Variants in DMD observed in about 807,000 individuals in gnomAD.
DMD encodes the protein mutant dystrophin.
DMD carries 63 observed loss-of-function variants against 330.1 expected under a neutral mutation model. The ratio of observed to expected loss-of-function variants is 0.19; its 90% CI spans 0.16 to 0.24. The LOEUF (loss-of-function observed/expected upper bound fraction) is 0.24, where lower values mean the gene tolerates loss of function less well. DMD is among the 10% of genes least tolerant of loss of function. DMD has a pLI of 1.00. For missense variants in DMD, 3,344 were observed against 2,684.1 expected (o/e 1.25, Z -5.43); for synonymous variants, 1,223 against 959.8 (o/e 1.27, Z -5.07).
At chrX:32,175,460 TC>T (rs2096902937) in intron 44 of DMD, among the ~76,000 whole-genome samples, 1 of 110,658 alleles carries the variant, frequency 9.0e-6, no homozygotes, top group African/African-American at 3.3e-5. Flanking sequence ...CCTGCTTGGG[TC>T]CCCTTCCACG....
chrX:32,869,459 T>TA (rs2082775946), intron 2 of DMD, among the ~76,000 whole-genome samples: 2 of 109,961 alleles, frequency 1.8e-5, no homozygotes, highest in African/African-American at 6.6e-5. Context: ...TTTACTGAGC[T>TA]AAAGGAGCAT....
rs181220951 is a variant in DMD, at chrX:31,198,599, T to A, written c.9807+5362A>T. On this transcript the variant is annotated intron_variant, in intron 67 of 78. Coordinates refer to ENST00000357033, the MANE Select transcript of DMD (RefSeq NM_004006.3). Reference sequence around the variant, plus strand: ...AAAAATATTTTAAAACATACTTTTTTACCTGTTAAATGACTGGCAGTGCAG... The same window carrying A: ...AAAAATATTTTAAAACATACTTTTTAACCTGTTAAATGACTGGCAGTGCAG... Among the ~76,000 whole-genome samples, 44 of 112,451 alleles carry A rather than the reference T, an allele frequency of 3.9e-4. 1 individual carries two copies. Among genetic ancestry groups the A allele is most frequent in the Admixed American group, 1.5e-3 (16 of 10,669 alleles).
chrX:31,606,383 C>A (rs1569554324), intron 55 of DMD, among the ~76,000 whole-genome samples: 2 of 111,938 alleles, frequency 1.8e-5, no homozygotes, highest in African/African-American at 3.2e-5. Flanking sequence ...GGTGGATAAA[C>A]TGATCTTATG....
At chrX:31,704,139 T>A (rs2084009038) in intron 52 of DMD, among the ~76,000 whole-genome samples, 1 of 112,420 alleles carries the variant, frequency 8.9e-6, no homozygotes, top group Admixed American at 9.5e-5. Context: ...TATGTAAATT[T>A]ATTTTTAATT....
At chrX:33,185,183 G>A (rs562916724) in intron 1 of DMD, among the ~76,000 whole-genome samples, 136 of 110,689 alleles carry the variant, frequency 1.2e-3, no homozygotes, top group African/African-American at 4.4e-3. Flanking sequence ...AAAGAAAAAC[G>A]TAAATAAAAA....
intron 11 of DMD, among the ~76,000 whole-genome samples, chrX:32,623,653 G>A (rs1296721806): frequency 2.8e-5 from 3 of 107,895 alleles, no homozygotes; most frequent in Non-Finnish European, 5.7e-5. Context: ...TCAGCCTCCT[G>A]AGTAGCTGAG....
chrX:31,966,951 C>A (rs2150178952), intron 45 of DMD, among the ~76,000 whole-genome samples: 1 of 109,884 alleles, frequency 9.1e-6, no homozygotes, highest in African/African-American at 3.3e-5. Context: ...TTTATGAATT[C>A]TCTCCGTATA....
chrX:31,435,072 T>C (rs1332376433), intron 60 of DMD, among the ~76,000 whole-genome samples: 1 of 111,615 alleles, frequency 9.0e-6, no homozygotes, highest in Non-Finnish European at 1.9e-5. Flanking sequence ...CTCTCTCACT[T>C]ACCTGATATA....
intron 1 of DMD, among the ~76,000 whole-genome samples, chrX:33,139,886 A>T (rs866566389): frequency 6.3e-4 from 69 of 108,968 alleles, no homozygotes; most frequent in South Asian, 3.6e-3. Flanking sequence ...AAAAAAAAAA[A>T]AAAAAAAAAA....
rs763624170 is a variant in DMD, at chrX:32,454,776, C to G, written c.3489G>C (p.Gln1163His). The G allele has an allele frequency of 5.0e-6, 6 of 1,204,017 alleles. No homozygotes were observed. In the South Asian group the frequency reaches 1.1e-4, roughly 21 times the overall value. Residue 1163 changes from glutamine (Q) to histidine (H), a missense_variant, in exon 26 of 79, where the codon CAG (glutamine) becomes CAC (histidine). Coordinates refer to ENST00000357033, the MANE Select transcript of DMD (RefSeq NM_004006.3). ...ATTCGTGCATCTCTGATAGATCTTTCTGGAGGCTTACAGTTTTCTCCAAAC... is the reference window on the plus strand; with the variant it reads ...ATTCGTGCATCTCTGATAGATCTTTGTGGAGGCTTACAGTTTTCTCCAAAC... ...KGGLEKTVSL[Q>H]KDLSEMHEWM...
At chrX:31,621,557 G>A (rs774412480) in intron 55 of DMD, among the ~76,000 whole-genome samples, 3 of 111,756 alleles carry the variant, frequency 2.7e-5, no homozygotes, top group Non-Finnish European at 5.6e-5. Context: ...TGAGCCCTTC[G>A]AGTCCAATAG....
chrX:31,931,797 T>C (rs750127693), intron 46 of DMD, among the ~76,000 whole-genome samples: 1 of 111,285 alleles, frequency 9.0e-6, no homozygotes, highest in Non-Finnish European at 1.9e-5. Flanking sequence ...CTGTGAATTA[T>C]ATACATTTAG....
intron 11 of DMD, among the ~76,000 whole-genome samples, chrX:32,639,466 G>C (rs1163904920): frequency 8.9e-6 from 1 of 112,035 alleles, no homozygotes; most frequent in East Asian, 2.8e-4. Flanking sequence ...ATTATGAAAG[G>C]AATGGCACTT....
intron 1 of DMD, among the ~76,000 whole-genome samples, chrX:33,139,053 A>C (rs2047660292): frequency 9.0e-6 from 1 of 111,230 alleles, no homozygotes; most frequent in African/African-American, 3.3e-5. Flanking sequence ...TCACGTCTGT[A>C]ATCCCAGCAC....
rs1305126237 is a variant in DMD at position 32,362,877 on chromosome X, C to T, written c.5236G>A (p.Gly1746Ser). 2 of 1,210,798 alleles carry T rather than the reference C, an allele frequency of 1.7e-6. No homozygotes were observed. Among genetic ancestry groups the T allele is most frequent in the Non-Finnish European group, 2.2e-6 (2 of 895,066 alleles). ...DQAANLMANR[G>S]DHCRKLVEPQ... ...TCTACTAATTTCCTGCAGTGGTCAC[C>T]GCGGTTTGCCATCAAGTTTGCTGCT... is the stretch of plus-strand genomic sequence containing the variant. The change falls in exon 37 of 79, where the codon GGT becomes AGT. Residue 1746 changes from glycine to serine, a missense_variant. Transcript: ENST00000357033.
At chrX:31,762,455 G>A (rs1169622653) in intron 51 of DMD, among the ~76,000 whole-genome samples, 2 of 111,288 alleles carry the variant, frequency 1.8e-5, no homozygotes, top group East Asian at 5.6e-4. Context: ...CGTAATCCCA[G>A]CTACTCAGGA....
chrX:32,608,286 T>G (rs897571423), intron 12 of DMD, among the ~76,000 whole-genome samples: 4 of 110,592 alleles, frequency 3.6e-5, no homozygotes, highest in African/African-American at 1.3e-4. Flanking sequence ...TATGGGATAT[T>G]AGATGTCTTC....
intron 44 of DMD, among the ~76,000 whole-genome samples, chrX:32,006,151 A>C (rs1028478001): frequency 1.8e-5 from 2 of 111,672 alleles, no homozygotes; most frequent in African/African-American, 6.5e-5. Context: ...TGCCATATCT[A>C]TGTAATAGTA....
At chrX:32,410,686 A>G (rs1029470715) in intron 30 of DMD, among the ~76,000 whole-genome samples, 24 of 112,008 alleles carry the variant, frequency 2.1e-4, no homozygotes, top group African/African-American at 7.5e-4. Flanking sequence ...TTTGAAAAGC[A>G]GATCTAGTAA....
Sources: allele counts gnomAD v4.1 joint callset (sites outside exome capture counted in the v4.1 genomes callset), GRCh38; gene constraint gnomAD v4.1.1; transcripts MANE v1.5; gene names NCBI Gene and HGNC (gene_info 2026-07-23, HGNC 2026-07-21).